SLC30A8: variants seen among roughly 807,000 people sequenced by gnomAD.
SLC30A8 encodes proton-coupled zinc antiporter SLC30A8.
In SLC30A8, 27 loss-of-function variants were observed where a neutral mutation model predicts 36.9. That is an observed-to-expected ratio of 0.73 (90% CI 0.54 to 1.01). SLC30A8 has a LOEUF of 1.01. Ranked by LOEUF, SLC30A8 falls within the 50% of genes least tolerant of loss-of-function variation. SLC30A8 has a pLI of 0.00. For missense variants in SLC30A8, 439 were observed against 452.0 expected (o/e 0.97, Z 0.26); for synonymous variants, 164 against 172.4 (o/e 0.95, Z 0.38).
intron 1 of SLC30A8, among the ~76,000 whole-genome samples, chr8:116,988,368 G>A (rs762097062): frequency 5.9e-5 from 9 of 152,100 alleles, no homozygotes; most frequent in East Asian, 1.9e-4. Flanking sequence ...TCTTCTTTCC[G>A]TCTGCTGGCT....
intron 2 of SLC30A8, among the ~76,000 whole-genome samples, chr8:117,060,401 G>A (rs1375937062): frequency 6.6e-6 from 1 of 151,996 alleles, no homozygotes; most frequent in Non-Finnish European, 1.5e-5. Context: ...TATTGGTGCT[G>A]GTCAGAATGA....
intron 1 of SLC30A8, among the ~76,000 whole-genome samples, chr8:117,011,789 CTT>C (rs1307016078): frequency 2.0e-5 from 3 of 152,156 alleles, no homozygotes; most frequent in Non-Finnish European, 2.9e-5. Flanking sequence ...TGGCAAATAA[CTT>C]TTAACTACTC....
chr8:117,077,358 T>C (rs1012795695), intron 2 of SLC30A8, among the ~76,000 whole-genome samples: 6 of 152,196 alleles, frequency 3.9e-5, no homozygotes, highest in African/African-American at 1.4e-4. Context: ...GAAAAAAATA[T>C]CTTATGGTTG....
intron 2 of SLC30A8, among the ~76,000 whole-genome samples, chr8:117,091,665 G>A (rs1735035666): frequency 6.6e-6 from 1 of 152,156 alleles, no homozygotes; most frequent in South Asian, 2.1e-4. Context: ...AGAAATAGAT[G>A]AATAAAAACT....
chr8:117,043,162 G>A (rs1313028173), intron 2 of SLC30A8, among the ~76,000 whole-genome samples: 1 of 152,150 alleles, frequency 6.6e-6, no homozygotes, highest in Non-Finnish European at 1.5e-5. Context: ...TATATAATTA[G>A]AGAAAAAGCA....
intron 1 of SLC30A8, among the ~76,000 whole-genome samples, chr8:116,999,663 T>C (rs1284924017): frequency 1.3e-5 from 2 of 152,242 alleles, no homozygotes; most frequent in East Asian, 1.9e-4. Flanking sequence ...ACTTTACTTA[T>C]TTATTTCATT....
At chr8:116,976,798 TTTTCTTTCTTTC>T (rs142957728) in intron 1 of SLC30A8, among the ~76,000 whole-genome samples, 4 of 125,520 alleles carry the variant, frequency 3.2e-5, no homozygotes, top group Admixed American at 8.2e-5. Context: ...CCCCTTTTAT[TTTTCTTTCTTTC>T]TTTCTTTCTT....
chr8:117,053,723 A>G (rs570071743), intron 2 of SLC30A8, among the ~76,000 whole-genome samples: 6 of 152,200 alleles, frequency 3.9e-5, no homozygotes, highest in Non-Finnish European at 5.9e-5. Flanking sequence ...TATGAAAGCA[A>G]TGCATGCATA....
At chr8:117,166,858 G>A (rs1422220103) in intron 6 of SLC30A8, among the ~76,000 whole-genome samples, 1 of 142,536 alleles carries the variant, frequency 7.0e-6, no homozygotes, top group Non-Finnish European at 1.5e-5. Context: ...CTCACACTTC[G>A]TTAGTGTTCA....
chr8:117,143,351 A>T (rs947908103), intron 1 of SLC30A8, among the ~76,000 whole-genome samples: 4 of 151,858 alleles, frequency 2.6e-5, no homozygotes, highest in African/African-American at 9.7e-5. Context: ...TTGGCCTATT[A>T]TTCCTAATTT....
chr8:117,143,646 A>G (rs1007068095), intron 1 of SLC30A8, among the ~76,000 whole-genome samples: 3 of 140,300 alleles, frequency 2.1e-5, no homozygotes, highest in African/African-American at 7.9e-5. Flanking sequence ...AAGACTGTGT[A>G]CTCTTGCCTC....
At chr8:116,968,483 CAGAG>C (rs1814676208) in intron 1 of SLC30A8, among the ~76,000 whole-genome samples, 1 of 151,492 alleles carries the variant, frequency 6.6e-6, no homozygotes, top group South Asian at 2.1e-4. Flanking sequence ...ATGGCAGAGA[CAGAG>C]AGATTGAGAA....
intron 6 of SLC30A8, among the ~76,000 whole-genome samples, chr8:117,166,721 A>G (rs1823071738): frequency 6.6e-6 from 1 of 151,730 alleles, no homozygotes; most frequent in Admixed American, 6.6e-5. Flanking sequence ...AGAAGTTTGC[A>G]TCATATCAAA....
intron 6 of SLC30A8, among the ~76,000 whole-genome samples, chr8:117,169,451 C>T (rs1451673194): frequency 6.6e-6 from 1 of 152,054 alleles, no homozygotes; most frequent in Admixed American, 6.6e-5. Context: ...TTAAGGGTTC[C>T]CCATTTCTTT....
intron 1 of SLC30A8, among the ~76,000 whole-genome samples, chr8:117,034,665 G>A (rs147949940): frequency 2.0e-5 from 3 of 152,264 alleles, no homozygotes; most frequent in Non-Finnish European, 4.4e-5. Flanking sequence ...TTACAAACAT[G>A]AGCTTTGTTT....
intron 2 of SLC30A8, among the ~76,000 whole-genome samples, chr8:117,063,617 G>A (rs1201239308): frequency 1.3e-5 from 2 of 152,172 alleles, no homozygotes; most frequent in East Asian, 3.8e-4. Flanking sequence ...CCTATGTCCT[G>A]TTCCCTGGCA....
At chr8:117,104,868 G>A (rs752389655) in intron 2 of SLC30A8, among the ~76,000 whole-genome samples, 4 of 152,144 alleles carry the variant, frequency 2.6e-5, no homozygotes, top group Non-Finnish European at 5.9e-5. Flanking sequence ...GCAATTCCTG[G>A]AACTGGGGGT....
At chr8:117,072,966 T>G (rs62510509) in intron 2 of SLC30A8, among the ~76,000 whole-genome samples, 9,100 of 152,166 alleles carry the variant, frequency 0.06, 316 homozygotes, top group East Asian at 0.12. Flanking sequence ...AAATTTAATG[T>G]GGTCTTTGGT....
At chr8:117,095,007 G>T (rs1465346162) in intron 2 of SLC30A8, among the ~76,000 whole-genome samples, 1 of 152,228 alleles carries the variant, frequency 6.6e-6, no homozygotes, top group Non-Finnish European at 1.5e-5. Flanking sequence ...CAGATGCCAG[G>T]AGCAGGCCAG....
Sources: gnomAD v4.1 joint callset for allele counts (sites outside exome capture counted in the v4.1 genomes callset) on GRCh38, gnomAD v4.1.1 for gene constraint, MANE v1.5 for transcripts, NCBI Gene and HGNC (gene_info 2026-07-23, HGNC 2026-07-21) for gene names.